GEMIN5: variants seen among roughly 807,000 people sequenced by gnomAD.
GEMIN5 encodes the protein gem-associated protein 5.
GEMIN5 carries 124 observed loss-of-function variants against 176.9 expected under a neutral mutation model. The ratio of observed to expected loss-of-function variants is 0.70; its 90% CI spans 0.61 to 0.81. GEMIN5 has a LOEUF of 0.81. Among genes scored for constraint, GEMIN5 ranks in the 40% least tolerant of loss-of-function variants. The pLI is 0.00. For synonymous variants in GEMIN5, 673 were observed against 665.2 expected (o/e 1.01, Z -0.18); for missense variants, 1,843 against 1,814.6 (o/e 1.02, Z -0.28).
At chr5:154,905,247 T>C in intron 17 of GEMIN5, 116 bp downstream of exon 17, 1 of 506,688 alleles carries the variant, frequency 2.0e-6, no homozygotes, top group Non-Finnish European at 3.6e-6. Flanking sequence ...CTACAAATAT[T>C]TTGAACCTAT....
Position 154,903,160 on chromosome 5 carries a change from A to G in GEMIN5, c.2648T>C (p.Val883Ala), listed in dbSNP as rs750201055. Residue 883 changes from valine to alanine, a missense_variant, in exon 19 of 28, where the codon GTG becomes GCG. Coordinates refer to ENST00000285873, the MANE Select transcript of GEMIN5 (RefSeq NM_015465.5). ...AAATCTTTCCTCAACATCAGCAGAC[A>G]CATCTTCATTCAGCTCTGTTAATTT... Reference protein sequence around the residue: ...AKHSRELNEDVSADVEERFHL... With the variant: ...AKHSRELNEDASADVEERFHL... 1 of 1,610,956 alleles carries G rather than the reference A, an allele frequency of 6.2e-7. No individual in the cohort carries two copies. The highest frequency in any genetic ancestry group is 1.3e-5 in the African/African-American group (1 of 74,988).
rs776449677 is a variant in GEMIN5, at chr5:154,912,999, T to C, written c.1895A>G (p.Tyr632Cys). 1.7e-5 allele frequency: 27 copies of C among 1,613,444 alleles called. No homozygotes were observed. Among genetic ancestry groups the C allele is most frequent in the Admixed American group, 5.0e-5 (3 of 60,010 alleles). ...GGCCGTATGCCCTGAGAGGGTCCGGTAGGGCTCTGTAATGGTCACTGGAGA... is the reference window on the plus strand; with the variant it reads ...GGCCGTATGCCCTGAGAGGGTCCGGCAGGGCTCTGTAATGGTCACTGGAGA... ...PESPVTITEP[Y>C]RTLSGHTAKI... Residue 632 changes from tyrosine (Y) to cysteine (C), a missense_variant, in exon 14 of 28, where the codon TAC becomes TGC. Transcript: ENST00000285873.
Position 154,913,037 on chromosome 5 carries a change from CT to C in GEMIN5, c.1856del (p.Glu619GlyfsTer8), listed in dbSNP as rs775110035. The C allele has an allele frequency of 5.6e-6, 9 of 1,605,748 alleles. No homozygotes were observed. In the African/African-American group the frequency reaches 9.4e-5, roughly 17 times the overall value. On this transcript the variant is annotated frameshift_variant and splice_region_variant, in exon 14 of 28. Transcript: ENST00000285873. LOFTEE classifies it high-confidence loss of function. Reference sequence around the variant, plus strand: ...TGGTCACTGGAGACTCAGGGCTGCTCTCTAAAAGGCAAAGGAAAGACATCAC... The same window carrying C: ...TGGTCACTGGAGACTCAGGGCTGCTCCTAAAAGGCAAAGGAAAGACATCAC... ...IYVHNLKTVI[E>X]SSPESPVTIT...
chr5:154,892,275 C>A, intron 25 of GEMIN5, 112 bp downstream of exon 25: 5 of 844,946 alleles, frequency 5.9e-6, no homozygotes, highest in Admixed American at 2.7e-5. Context: ...TAAAATGACA[C>A]AGCTGGCCAA....
chr5:154,928,541 T>C lies in GEMIN5; in HGVS notation c.900A>G (p.Val300=). 7 of 1,614,112 alleles carry C rather than the reference T, an allele frequency of 4.3e-6. No individual in the cohort carries two copies. Among genetic ancestry groups the C allele is most frequent in the South Asian group, 1.1e-5 (1 of 91,080 alleles). The change falls in exon 6 of 28, where the codon GTA becomes GTG. Residue 300 remains valine, a synonymous_variant. Transcript: ENST00000285873. The stretch of plus-strand genomic sequence containing the variant: ...AAAAGACTTACCCAAAACAGCTAGA[T>C]ACCAGCTGTGTTGGTTGATTGCTGG... ...HWPSNQPTQL[V]SSCFGGELLQ...
intron 7 of GEMIN5, among the ~76,000 whole-genome samples, chr5:154,926,592 CT>C (rs1764042209): frequency 6.6e-6 from 1 of 152,300 alleles, no homozygotes; most frequent in African/African-American, 2.4e-5. Context: ...AGGTAATAGG[CT>C]TTCAAATAAA....
intron 18 of GEMIN5, 46 bp downstream of exon 18, chr5:154,904,461 C>A (rs1185656321): frequency 6.4e-7 from 1 of 1,555,978 alleles, no homozygotes; most frequent in Non-Finnish European, 8.8e-7. Context: ...CCTTATATAC[C>A]AGTCCCGGAA....
intron 13 of GEMIN5, among the ~76,000 whole-genome samples, chr5:154,914,985 CAA>C (rs1205909667): frequency 6.6e-6 from 1 of 152,086 alleles, no homozygotes; most frequent in African/African-American, 2.4e-5. Context: ...TCAAATATTT[CAA>C]AATAAGAAGG....
At chr5:154,898,205 G>A (rs1021802441) in intron 23 of GEMIN5, among the ~76,000 whole-genome samples, 1 of 152,156 alleles carries the variant, frequency 6.6e-6, no homozygotes, top group Non-Finnish European at 1.5e-5. Flanking sequence ...CCGGCTCACA[G>A]GTGTTTTGTA....
chr5:154,896,758 T>C (rs1763360625), intron 23 of GEMIN5, among the ~76,000 whole-genome samples: 1 of 152,194 alleles, frequency 6.6e-6, no homozygotes, highest in African/African-American at 2.4e-5. Flanking sequence ...GGTGCTGGAA[T>C]AGACAAGCTT....
rs753126615 is a variant in GEMIN5, at chr5:154,892,485, T to C, written c.3662A>G (p.Asp1221Gly). ...CCGAAGGAGCGCCTGCACAGCCTCG[T>C]CCCAGGAGGCCATCTGTTGGCTCAG... Reference protein sequence around the residue: ...AVLSQQMASWDEAVQALLRAV... With the variant: ...AVLSQQMASWGEAVQALLRAV... Residue 1221 changes from aspartate (D) to glycine (G), a missense_variant, in exon 25 of 28, where the codon GAC becomes GGC. By Grantham distance (94) the Asp-to-Gly change is moderately conservative. Coordinates refer to ENST00000285873, the MANE Select transcript of GEMIN5 (RefSeq NM_015465.5). 5 of 1,614,218 alleles carry C rather than the reference T, an allele frequency of 3.1e-6. No homozygotes were observed. The South Asian group carries it at 5.5e-5, about 18-fold the overall frequency.
In GEMIN5 at chr5:154,907,580, C is replaced by T; in HGVS notation, c.2395+11G>A. 1 of 1,603,544 alleles carries T rather than the reference C, an allele frequency of 6.2e-7. No homozygotes were observed. Among genetic ancestry groups the T allele is most frequent in the Non-Finnish European group, 8.5e-7 (1 of 1,170,372 alleles). On this transcript the variant is annotated intron_variant, in intron 16 of 27. Transcript: ENST00000285873. ...TGAAATCCTAGTGATACACAGGATT[C>T]TGCCACATACCCGCTGGAGCAAGGC...
chr5:154,892,968 G>A (rs1397465758), intron 24 of GEMIN5, among the ~76,000 whole-genome samples: 2 of 152,046 alleles, frequency 1.3e-5, no homozygotes, highest in Non-Finnish European at 1.5e-5. Flanking sequence ...ATGATGGCGC[G>A]TGCCTGTAGT....
At chr5:154,933,688 T>A (rs2047305) in intron 3 of GEMIN5, among the ~76,000 whole-genome samples, 73,067 of 151,962 alleles carry the variant, frequency 0.48, 18,312 homozygotes, top group Middle Eastern at 0.6. Flanking sequence ...TTATTTATTT[T>A]TTTTTTTTAA....
intron 5 of GEMIN5, among the ~76,000 whole-genome samples, chr5:154,929,726 G>A (rs758767862): frequency 2.0e-5 from 3 of 152,214 alleles, no homozygotes; most frequent in Non-Finnish European, 4.4e-5. Flanking sequence ...AGTATGCCAA[G>A]AAGTAGCCTG....
intron 26 of GEMIN5, among the ~76,000 whole-genome samples, chr5:154,890,114 ATCC>A (rs761728903): frequency 1.3e-5 from 2 of 152,230 alleles, no homozygotes; most frequent in African/African-American, 2.4e-5. Flanking sequence ...ATGTCTCTGC[ATCC>A]TCCTCAACAC....
At position 154,904,616 on chromosome 5, in the gene GEMIN5, CTTGA is replaced by C. The variant is rs769616395; in HGVS notation, c.2519_2522del (p.Ile840ArgfsTer11). 14 of 1,611,288 alleles carry C rather than the reference CTTGA, an allele frequency of 8.7e-6. No individual in the cohort carries two copies. The highest frequency in any genetic ancestry group is 1.3e-5 in the African/African-American group (1 of 74,852). Reference sequence around the variant, plus strand: ...GAAGCAAGGAACGAGCTTTTCTCTTCTTGATTAAGGTTTCTGAAATTTAATAAAG... The same window carrying C: ...GAAGCAAGGAACGAGCTTTTCTCTTCTTAAGGTTTCTGAAATTTAATAAAG... On this transcript the variant is annotated frameshift_variant, in exon 18 of 28. Transcript: ENST00000285873. LOFTEE classifies it high-confidence loss of function.
At chr5:154,921,061 G>A (rs1203225189) in intron 10 of GEMIN5, among the ~76,000 whole-genome samples, 1 of 152,122 alleles carries the variant, frequency 6.6e-6, no homozygotes, top group African/African-American at 2.4e-5. Context: ...TGGGTATCAG[G>A]ACCCAGCATG....
chr5:154,932,632 CACTT>C (rs1428981618), intron 3 of GEMIN5, among the ~76,000 whole-genome samples: 1 of 152,084 alleles, frequency 6.6e-6, no homozygotes. Flanking sequence ...GCACAATCAC[CACTT>C]ACTGCAGCCT....
Sources: gnomAD v4.1 joint callset for allele counts (sites outside exome capture counted in the v4.1 genomes callset) on GRCh38, gnomAD v4.1.1 for gene constraint, MANE v1.5 for transcripts, NCBI Gene and HGNC (gene_info 2026-07-23, HGNC 2026-07-21) for gene names.